The following KAT6A variants were observed in gnomAD, a reference collection of about 807,000 sequenced individuals.
KAT6A encodes the protein lysine acetyltransferase 6A, also known as histone acetyltransferase KAT6A.
A neutral mutation model predicts 198.4 loss-of-function variants in KAT6A; 9 were observed. The ratio of observed to expected loss-of-function variants is 0.05; its 90% confidence interval spans 0.03 to 0.08. KAT6A has a LOEUF of 0.08. Ranked by LOEUF, KAT6A falls within the 10% of genes least tolerant of loss-of-function variation. The pLI is 1.00. For missense variants in KAT6A, 2,077 were observed against 2,509.9 expected, an observed-to-expected ratio of 0.83 and a Z score of 3.69; for synonymous variants, 890 against 883.0, an observed-to-expected ratio of 1.01 and a Z score of -0.14.
At chr8:42,049,779 A>C (rs1172746006) in intron 1 of KAT6A, 4 of 152,276 alleles carry the variant, frequency 2.6e-5, no homozygotes, top group Admixed American at 2.0e-4. Context: ...AAAACAGTCA[A>C]TAAGGCAGAA....
chr8:41,961,743 C>G (rs901483219), intron 8 of KAT6A, among the ~76,000 whole-genome samples: 22 of 138,552 alleles, frequency 1.6e-4, no homozygotes, highest in African/African-American at 6.0e-4. Flanking sequence ...CAGAGCGAGA[C>G]TCCATCTCAA....
intron 2 of KAT6A, among the ~76,000 whole-genome samples, chr8:42,034,444 A>T (rs1827273362): frequency 2.6e-5 from 4 of 152,208 alleles, no homozygotes; most frequent in Non-Finnish European, 5.9e-5. Context: ...ACAAGTTTGG[A>T]GCAACGCACG....
At chr8:42,042,077 C>T (rs1215435351) in intron 2 of KAT6A, among the ~76,000 whole-genome samples, 1 of 152,194 alleles carries the variant, frequency 6.6e-6, no homozygotes, top group Non-Finnish European at 1.5e-5. Context: ...ACCATTCTAA[C>T]ATATAAAATG....
chr8:42,042,680 T>C (rs1827724271), intron 2 of KAT6A, among the ~76,000 whole-genome samples: 1 of 152,196 alleles, frequency 6.6e-6, no homozygotes, highest in Non-Finnish European at 1.5e-5. Context: ...ACCTGAACAA[T>C]AACATTAGTT....
chr8:41,946,489 TATATAC>T (rs1163738540), intron 12 of KAT6A, 96 bp downstream of exon 12: 321 of 453,770 alleles, frequency 7.1e-4, no homozygotes, highest in African/African-American at 5.2e-3. Context: ...TAAATATATA[TATATAC>T]ACACACACAC....
intron 2 of KAT6A, among the ~76,000 whole-genome samples, chr8:42,034,079 G>A (rs1240070817): frequency 6.6e-6 from 1 of 152,142 alleles, no homozygotes; most frequent in African/African-American, 2.4e-5. Context: ...AACTAAGTCT[G>A]CAAGGTTGAA....
chr8:42,039,748 T>G (rs1827552312), intron 2 of KAT6A, among the ~76,000 whole-genome samples: 1 of 152,148 alleles, frequency 6.6e-6, no homozygotes, highest in African/African-American at 2.4e-5. Context: ...TTTTGTTTTT[T>G]TTTGAGACGG....
intron 2 of KAT6A, among the ~76,000 whole-genome samples, chr8:42,018,794 C>G (rs1021698879): frequency 2.0e-5 from 3 of 151,852 alleles, no homozygotes; most frequent in African/African-American, 7.3e-5. Flanking sequence ...TGGTGGCCAC[C>G]CCTATAATCC....
In KAT6A at chr8:41,975,731, C is replaced by CA. The variant is rs58487304; in HGVS notation, c.1364-910dup. ...ACTTTATAATTCATAAAGAAAATGA[C>CA]AGAGCCTATTAAAGCAAACGCTCAC... On this transcript the variant is annotated intron_variant, in intron 7 of 16. Coordinates refer to ENST00000265713, the MANE Select transcript of KAT6A (RefSeq NM_006766.5). Among the ~76,000 whole-genome samples, 347 of 152,284 alleles carry CA rather than the reference C, an allele frequency of 2.3e-3. 2 individuals are homozygous for CA. The highest frequency in any genetic ancestry group is 8.1e-3 in the African/African-American group (338 of 41,558).
intron 2 of KAT6A, among the ~76,000 whole-genome samples, chr8:42,044,098 CTTTTTTTTTT>C (rs36067311): frequency 7.8e-6 from 1 of 127,894 alleles, no homozygotes; most frequent in African/African-American, 2.9e-5. Flanking sequence ...TGGGTAAAAA[CTTTTTTTTTT>C]TTTTTTTTTT....
chr8:41,950,613 G>C (rs1279704259), intron 9 of KAT6A, among the ~76,000 whole-genome samples: 2 of 152,062 alleles, frequency 1.3e-5, no homozygotes, highest in African/African-American at 4.8e-5. Flanking sequence ...CCTATAATAC[G>C]AATCAGAGAA....
chr8:41,966,221 T>C (rs1218592404), intron 8 of KAT6A, among the ~76,000 whole-genome samples: 1 of 152,094 alleles, frequency 6.6e-6, no homozygotes, highest in East Asian at 1.9e-4. Context: ...ACACAGATAA[T>C]ACGTCTTTGC....
chr8:41,944,461 C>A (rs572581354), intron 12 of KAT6A, among the ~76,000 whole-genome samples: 2 of 152,294 alleles, frequency 1.3e-5, no homozygotes, highest in Admixed American at 6.5e-5. Context: ...ACCTATCATT[C>A]TAACTCTAGG....
In KAT6A at chr8:41,949,291, C is replaced by T. The variant is rs779021616; in HGVS notation, c.1671G>A (p.Met557Ile). 6.3e-7 allele frequency: 1 copy of T among 1,578,358 alleles called. No homozygotes were observed. Among genetic ancestry groups the T allele is most frequent in the Admixed American group, 1.9e-5 (1 of 54,020 alleles). ...GAGGATGGAACCAACCACATTTCTTCATGTGCTGCTGCAGAATAGTTCTAC... is the reference window on the plus strand; with the variant it reads ...GAGGATGGAACCAACCACATTTCTTTATGTGCTGCTGCAGAATAGTTCTAC... ...MKSRTILQQH[M>I]KKCGWFHPPA... Residue 557 changes from methionine (M) to isoleucine (I), a missense_variant, in exon 10 of 17, where the codon ATG becomes ATA. Met to Ile is a conservative substitution (Grantham distance 10, BLOSUM62 1). Around this residue, in one of 13 missense-constraint regions of KAT6A, gnomAD observed 46 missense variants for 88.2 expected, o/e 0.52. Transcript: ENST00000265713.
chr8:42,000,609 C>T (rs1825448840), intron 2 of KAT6A, among the ~76,000 whole-genome samples: 1 of 151,890 alleles, frequency 6.6e-6, no homozygotes, highest in Non-Finnish European at 1.5e-5. Flanking sequence ...AGATGTTCAA[C>T]AAGACTTTCA....
intron 14 of KAT6A, 63 bp from the exon 15 acceptor site, chr8:41,941,507 A>G: frequency 6.7e-7 from 1 of 1,484,776 alleles, no homozygotes; most frequent in Non-Finnish European, 8.9e-7. Context: ...ACATTTACCT[A>G]TTCTGACCTT....
chr8:42,017,906 T>C lies in KAT6A; in HGVS notation c.601-30343A>G, dbSNP rs150281100. Among the ~76,000 whole-genome samples, 59 of 152,274 alleles carry C rather than the reference T, an allele frequency of 3.9e-4. No homozygotes were observed. The East Asian group carries it at 0.01, about 26-fold the overall frequency. ...CTGTTTACTGCTGAACTCACCGCACTTAGAAGTACCTATCATGTGTCACCA... is the reference window on the plus strand; with the variant it reads ...CTGTTTACTGCTGAACTCACCGCACCTAGAAGTACCTATCATGTGTCACCA... On this transcript the variant is annotated intron_variant, in intron 2 of 16. Coordinates refer to ENST00000265713, the MANE Select transcript of KAT6A (RefSeq NM_006766.5).
chr8:41,932,605 T>C lies in KAT6A; in HGVS notation c.5615A>G (p.Gln1872Arg), dbSNP rs1248322891. The C allele has an allele frequency of 6.2e-7, 1 of 1,614,012 alleles. No individual in the cohort carries two copies. The highest frequency in any genetic ancestry group is 1.3e-5 in the African/African-American group (1 of 74,958). ...CGATGGGCTACGGCCATACAGCTGC[T>C]GCTGGTGAGCAGCCGCAGAGGGCAG... ...APLPSAAAHQ[Q>R]QLYGRSPSAV... The change falls in exon 17 of 17, where the codon CAG (glutamine) becomes CGG (arginine). Residue 1872 changes from glutamine to arginine, a missense_variant. By Grantham distance (43) the Gln-to-Arg change is conservative. Around this residue, in one of 13 missense-constraint regions of KAT6A, gnomAD observed 500 missense variants for 577.2 expected, o/e 0.87. Coordinates refer to ENST00000265713, the MANE Select transcript of KAT6A (RefSeq NM_006766.5).
intron 9 of KAT6A, among the ~76,000 whole-genome samples, chr8:41,952,109 G>A (rs775654410): frequency 2.0e-5 from 3 of 152,148 alleles, no homozygotes; most frequent in Admixed American, 6.5e-5. Flanking sequence ...ATTACTTAAC[G>A]ATTATTATTT....
Sources: gnomAD v4.1 joint callset for allele counts (sites outside exome capture counted in the v4.1 genomes callset) on GRCh38, gnomAD v4.1.1 for gene constraint, gnomAD v4.1.1 regional missense constraint, MANE v1.5 for transcripts, NCBI Gene and HGNC (gene_info 2026-07-23, HGNC 2026-07-21) for gene names.